The following CREB5 variants were observed in gnomAD, a reference collection of about 807,000 sequenced individuals.
CREB5 encodes the protein cAMP responsive element binding protein 5.
CREB5 carries 19 observed loss-of-function variants against 57.1 expected under a neutral mutation model. The ratio of observed to expected loss-of-function variants is 0.33; its 90% CI spans 0.23 to 0.49. The LOEUF is 0.49. CREB5 is among the 20% of genes least tolerant of loss of function. CREB5 has a pLI of 0.99. For missense variants in CREB5, 579 were observed against 671.6 expected (o/e 0.86, Z 1.52); for synonymous variants, 238 against 238.3 (o/e 1.00, Z 0.01).
intron 5 of CREB5, among the ~76,000 whole-genome samples, chr7:28,639,366 G>C (rs1003973831): frequency 2.0e-5 from 3 of 152,144 alleles, no homozygotes; most frequent in African/African-American, 4.8e-5. Context: ...AAGGGATTAG[G>C]CATTTTGGGA....
At chr7:28,741,871 G>A (rs1031213212) in intron 7 of CREB5, among the ~76,000 whole-genome samples, 6 of 151,344 alleles carry the variant, frequency 4.0e-5, no homozygotes, top group African/African-American at 1.2e-4. Flanking sequence ...TTCGAGACCA[G>A]CCTGGCCAAC....
intron 1 of CREB5, among the ~76,000 whole-genome samples, chr7:28,305,136 G>A (rs1221039210): frequency 6.6e-6 from 1 of 152,150 alleles, no homozygotes; most frequent in South Asian, 2.1e-4. Context: ...CTCTTTCAGC[G>A]AAGTTCTTAA....
intron 1 of CREB5, among the ~76,000 whole-genome samples, chr7:28,370,221 C>T (rs1471451634): frequency 6.6e-6 from 1 of 152,216 alleles, no homozygotes; most frequent in Admixed American, 6.5e-5. Context: ...TGTAAGGCCA[C>T]GGTAGGACGT....
chr7:28,486,793 C>T (rs530535184), intron 1 of CREB5, among the ~76,000 whole-genome samples: 49 of 149,134 alleles, frequency 3.3e-4, no homozygotes, highest in Non-Finnish European at 6.5e-4. Context: ...TCAATTTTTG[C>T]CTAAGGTATG....
Position 28,734,099 on chromosome 7 carries a change from C to A in CREB5, c.702+9767C>A, listed in dbSNP as rs527569196. 1.9e-4 allele frequency among the ~76,000 whole-genome samples: 28 copies of A among 150,564 alleles called. 1 individual carries two copies. The South Asian group carries it at 5.9e-3, about 32-fold the overall frequency. On this transcript the variant is annotated intron_variant, in intron 7 of 10. Transcript: ENST00000357727. ...TGCAGAGAAGCCCTGCATGAGGCCT[C>A]TTGACCCCTGGTGTGGCACCATCTG...
intron 5 of CREB5, among the ~76,000 whole-genome samples, chr7:28,634,093 A>T (rs1221127196): frequency 6.6e-6 from 1 of 152,200 alleles, no homozygotes; most frequent in Non-Finnish European, 1.5e-5. Context: ...TCAGAAGTTG[A>T]CAGTGTTTCC....
chr7:28,414,287 CTTT>C (rs11347506), intron 1 of CREB5, among the ~76,000 whole-genome samples: 2 of 148,688 alleles, frequency 1.3e-5, no homozygotes, highest in African/African-American at 2.5e-5. Context: ...AATTTAAGGT[CTTT>C]TTTTTTTTTA....
chr7:28,810,693 C>CAAA (rs1386269989), intron 9 of CREB5, among the ~76,000 whole-genome samples: 1 of 46,822 alleles, frequency 2.1e-5, no homozygotes, highest in Non-Finnish European at 4.4e-5. Flanking sequence ...GAGACTGTCT[C>CAAA]AAAAAAATAA....
chr7:28,397,924 T>A (rs1341152766), intron 1 of CREB5, among the ~76,000 whole-genome samples: 2 of 152,226 alleles, frequency 1.3e-5, no homozygotes, highest in Non-Finnish European at 2.9e-5. Flanking sequence ...TTTTTTTTCA[T>A]CATTTTTTAT....
intron 5 of CREB5, among the ~76,000 whole-genome samples, chr7:28,694,579 A>G (rs761579293): frequency 3.9e-5 from 6 of 152,214 alleles, no homozygotes; most frequent in Non-Finnish European, 8.8e-5. Flanking sequence ...CTTTAGCGAC[A>G]GGGTCTCGCT....
intron 1 of CREB5, among the ~76,000 whole-genome samples, chr7:28,329,923 C>T (rs1218718967): frequency 6.6e-6 from 1 of 152,230 alleles, no homozygotes; most frequent in Non-Finnish European, 1.5e-5. Context: ...GTACTTTTTA[C>T]ACTGATGGGT....
chr7:28,451,082 C>T (rs1789774577), intron 1 of CREB5, among the ~76,000 whole-genome samples: 1 of 152,142 alleles, frequency 6.6e-6, no homozygotes, highest in South Asian at 2.1e-4. Flanking sequence ...CCAGCACTGG[C>T]TGTGATCTGG....
At chr7:28,460,918 G>C (rs990163361) in intron 1 of CREB5, among the ~76,000 whole-genome samples, 1 of 151,972 alleles carries the variant, frequency 6.6e-6, no homozygotes, top group African/African-American at 2.4e-5. Context: ...CTTATGGGGG[G>C]GCATAGTGGC....
At chr7:28,549,759 T>C (rs929824570) in intron 4 of CREB5, among the ~76,000 whole-genome samples, 1 of 152,188 alleles carries the variant, frequency 6.6e-6, no homozygotes, top group Admixed American at 6.5e-5. Context: ...ATCCTGAGCA[T>C]GAGAAACCTA....
chr7:28,638,778 G>T (rs1033251993), intron 5 of CREB5, among the ~76,000 whole-genome samples: 2 of 152,092 alleles, frequency 1.3e-5, no homozygotes, highest in Non-Finnish European at 2.9e-5. Flanking sequence ...TGAAAAACCT[G>T]ACAATCTGCA....
chr7:28,743,079 C>T (rs1360858259), intron 7 of CREB5, among the ~76,000 whole-genome samples: 1 of 152,150 alleles, frequency 6.6e-6, no homozygotes, highest in Non-Finnish European at 1.5e-5. Flanking sequence ...CCACCGTGCC[C>T]AGCTTATTTT....
chr7:28,385,195 A>G (rs922860974), intron 1 of CREB5, among the ~76,000 whole-genome samples: 2 of 151,206 alleles, frequency 1.3e-5, no homozygotes, highest in Non-Finnish European at 3.0e-5. Context: ...GTTGAAAGAT[A>G]AAGAGTATTG....
At chr7:28,451,312 A>G (rs1789790471) in intron 1 of CREB5, among the ~76,000 whole-genome samples, 4 of 152,276 alleles carry the variant, frequency 2.6e-5, no homozygotes, top group Admixed American at 2.0e-4. Context: ...ATCTAAAGTT[A>G]TCCCAGCTAT....
chr7:28,367,942 G>T (rs1183398133), intron 1 of CREB5, among the ~76,000 whole-genome samples: 1 of 152,152 alleles, frequency 6.6e-6, no homozygotes, highest in Non-Finnish European at 1.5e-5. Flanking sequence ...ATCATGGCTT[G>T]CCTGGAGGAC....
Sources: allele counts gnomAD v4.1 joint callset (sites outside exome capture counted in the v4.1 genomes callset), GRCh38; gene constraint gnomAD v4.1.1; transcripts MANE v1.5; gene names NCBI Gene and HGNC (gene_info 2026-07-23, HGNC 2026-07-21).